Variants in UMODL1 observed in about 807,000 individuals in gnomAD.
UMODL1 encodes the protein uromodulin-like 1.
UMODL1 carries 128 observed loss-of-function variants against 136.3 expected under a neutral mutation model. The ratio of observed to expected loss-of-function variants is 0.94; its 90% confidence interval spans 0.81 to 1.09. The LOEUF (loss-of-function observed/expected upper bound fraction) is 1.09. UMODL1 is among the 50% of genes least tolerant of loss of function. The pLI, the probability that UMODL1 is intolerant of heterozygous loss-of-function variation, is 0.00. For missense variants in UMODL1, 1,766 were observed against 1,725.6 expected, an observed-to-expected ratio of 1.02 and a Z score of -0.41; for synonymous variants, 721 against 720.0, an observed-to-expected ratio of 1.00 and a Z score of -0.02.
In UMODL1 at chr21:42,102,216, G is replaced by A. The variant is rs747286695; in HGVS notation, c.1237G>A (p.Glu413Lys). Residue 413 changes from glutamate to lysine, a missense_variant, in exon 8 of 23, where the codon GAG becomes AAG. Glu to Lys is a moderately conservative substitution (Grantham distance 56, BLOSUM62 1). Coordinates refer to ENST00000408910, the MANE Select transcript of UMODL1 (RefSeq NM_001004416.3). ...TIKIVNHNLT[E>K]KLLNRSSVEY... The stretch of plus-strand genomic sequence containing the variant: ...AAAGATTGTAAACCACAACCTGACG[G>A]AGAAGTTACTCAACCGCAGCAGTGT... 37 of 1,613,742 alleles carry A rather than the reference G, an allele frequency of 2.3e-5. No homozygotes were observed. The highest frequency in any genetic ancestry group is 1.3e-5 in the Non-Finnish European group (15 of 1,179,884).
At chr21:42,132,160 A>G (rs752009671) in intron 21 of UMODL1, among the ~76,000 whole-genome samples, 1 of 151,754 alleles carries the variant, frequency 6.6e-6, no homozygotes, top group Non-Finnish European at 1.5e-5. Context: ...CCATCCATCT[A>G]CCCATTCATT....
At chr21:42,131,427 C>T (rs2067132557) in intron 21 of UMODL1, among the ~76,000 whole-genome samples, 1 of 89,770 alleles carries the variant, frequency 1.1e-5, no homozygotes, top group Non-Finnish European at 2.3e-5. Flanking sequence ...GGCCATGAAG[C>T]TGGGGAACAG....
In UMODL1 at chr21:42,085,003, C is replaced by T. The variant is rs2066408912; in HGVS notation, c.482-288C>T. ...GAGGCTGATAGGCTCTATTTACCTC[C>T]TAAGCAGATCTCTTCAAGGGAAGGC... On this transcript the variant is annotated intron_variant, in intron 3 of 22. Coordinates refer to ENST00000408910, the MANE Select transcript of UMODL1 (RefSeq NM_001004416.3). The surrounding 1 kb of genome is among the most constrained non-coding windows in gnomAD (Gnocchi z 4.5). Among the ~76,000 whole-genome samples, 1 of 151,530 alleles carries T rather than the reference C, an allele frequency of 6.6e-6. No individual in the cohort carries two copies. The highest frequency in any genetic ancestry group is 2.1e-4 in the South Asian group (1 of 4,828).
Position 42,137,518 on chromosome 21 carries a change from G to A in UMODL1, c.3855G>A (p.Ala1285=), listed in dbSNP as rs201585927. 1,957 of 1,614,204 alleles carry A rather than the reference G, an allele frequency of 1.2e-3. 16 individuals are homozygous for A. In the East Asian group the frequency reaches 0.018, roughly 15 times the overall value. ...TGGTGGCCATCTTCGTGCTGGTGGC[G>A]GGAACAGCCACCCTTCTGATCGTGC... ...LIVVAIFVLV[A]GTATLLIVRY... is the part of the protein sequence containing the mutation. Residue 1285 remains alanine, a synonymous_variant, in exon 22 of 23, where the codon GCG becomes GCA. Coordinates refer to ENST00000408910, the MANE Select transcript of UMODL1 (RefSeq NM_001004416.3).
At chr21:42,071,028 G>A (rs535365212), upstream of UMODL1, among the ~76,000 whole-genome samples, 4 of 152,304 alleles carry the variant, frequency 2.6e-5, no homozygotes, top group South Asian at 8.3e-4. Flanking sequence ...CTGGGCTTTT[G>A]GGTACTCACC....
Position 42,083,346 on chromosome 21 carries a change from C to T in UMODL1, c.320-738C>T, listed in dbSNP as rs116630729. Among the ~76,000 whole-genome samples, 1,022 of 152,344 alleles carry T rather than the reference C, an allele frequency of 6.7e-3. 12 individuals carry two copies. Among genetic ancestry groups the T allele is most frequent in the African/African-American group, 0.023 (969 of 41,588 alleles). On this transcript the variant is annotated intron_variant, in intron 2 of 22. Coordinates refer to ENST00000408910, the MANE Select transcript of UMODL1 (RefSeq NM_001004416.3). ...GGGAGCCTTCCTGAAGCTTCTTCTT[C>T]TCTTACACCCCATCCCGTCTGTCAG...
At chr21:42,086,082 C>T (rs528991113) in intron 4 of UMODL1, among the ~76,000 whole-genome samples, 1 of 152,336 alleles carries the variant, frequency 6.6e-6, no homozygotes, top group South Asian at 2.1e-4. Context: ...CCATCAGTCT[C>T]GGGAATCCCA....
At chr21:42,111,316 C>T (rs1308070168) in intron 11 of UMODL1, 190 bp from the exon 12 acceptor site, 2 of 1,463,366 alleles carry the variant, frequency 1.4e-6, no homozygotes, top group East Asian at 2.6e-5. Flanking sequence ...ACGCGAACTC[C>T]AGCCAGGGGA....
chr21:42,127,940 C>T (rs1185356048), intron 20 of UMODL1, 109 bp downstream of exon 20: 3 of 1,432,588 alleles, frequency 2.1e-6, no homozygotes, highest in Non-Finnish European at 9.7e-7. Context: ...CGGGGCCAAC[C>T]TCTGGGAGGA....
At chr21:42,082,925 CCT>C (rs138089866) in intron 2 of UMODL1, among the ~76,000 whole-genome samples, 121,801 of 152,108 alleles carry the variant, frequency 0.8, 49,595 homozygotes, top group Non-Finnish European at 0.88. Context: ...TCTATAAGCC[CCT>C]TTTTCTGGAA....
chr21:42,103,649 A>C (rs1392971506), intron 8 of UMODL1: 1 of 680,850 alleles, frequency 1.5e-6, no homozygotes, highest in South Asian at 1.5e-5. Context: ...GTGAGTCCCC[A>C]GCACACACCA....
At chr21:42,072,897 G>A (rs1253984826) in intron 1 of UMODL1, among the ~76,000 whole-genome samples, 1 of 152,224 alleles carries the variant, frequency 6.6e-6, no homozygotes. Flanking sequence ...TCTGCTAACT[G>A]CTTTCTTCTC....
rs757148504 is a variant in UMODL1 at position 42,127,771 on chromosome 21, C to T, written c.3630C>T (p.Ile1210=). The change falls in exon 20 of 23, where the codon ATC becomes ATT. Residue 1210 remains isoleucine, a synonymous_variant. Coordinates refer to ENST00000408910, the MANE Select transcript of UMODL1 (RefSeq NM_001004416.3). Reference sequence around the variant, plus strand: ...TCTTTTCCTTTATCAACGACTCCATCGTCTACCTGCACTGCAAACTCCGCG... The same window carrying T: ...TCTTTTCCTTTATCAACGACTCCATTGTCTACCTGCACTGCAAACTCCGCG... ...LRIFSFINDS[I]VYLHCKLRVC... is the part of the protein sequence containing the mutation. 1.3e-5 allele frequency: 21 copies of T among 1,614,096 alleles called. No individual in the cohort carries two copies. The highest frequency in any genetic ancestry group is 9.3e-5 in the African/African-American group (7 of 74,932).
At position 42,129,724 on chromosome 21, in the gene UMODL1, C is replaced by A; in HGVS notation, c.3702C>A (p.Asn1234Lys). 2 of 1,579,584 alleles carry A rather than the reference C, an allele frequency of 1.3e-6. No individual in the cohort carries two copies. The highest frequency in any genetic ancestry group is 3.8e-5 in the Admixed American group (2 of 52,112). The change falls in exon 21 of 23, where the codon AAC becomes AAA. Residue 1234 changes from asparagine to lysine, a missense_variant. By Grantham distance (94) the Asn-to-Lys change is moderately conservative. Coordinates refer to ENST00000408910, the MANE Select transcript of UMODL1 (RefSeq NM_001004416.3). ...AAAAAAAAAAACAGAATTGCAATAA[C>A]TTTCGGTTGCTGCAAAATAGTGAAA... ...PGATCKINCN[N>K]FRLLQNSETS... is the part of the protein sequence containing the mutation.
chr21:42,127,345 G>A (rs1342774724), intron 19 of UMODL1, 103 bp downstream of exon 19: 1 of 1,114,590 alleles, frequency 9.0e-7, no homozygotes, highest in Non-Finnish European at 1.3e-6. Flanking sequence ...GCAATGCCCA[G>A]GGCTTCATTA....
chr21:42,107,468 C>T (rs889021934), intron 9 of UMODL1, among the ~76,000 whole-genome samples: 7 of 152,194 alleles, frequency 4.6e-5, no homozygotes, highest in African/African-American at 1.7e-4. Flanking sequence ...GAGAGAAGGG[C>T]CGTGAGTGAG....
chr21:42,108,096 G>A (rs745757794), intron 9 of UMODL1, among the ~76,000 whole-genome samples: 3 of 152,338 alleles, frequency 2.0e-5, no homozygotes, highest in South Asian at 2.1e-4. Flanking sequence ...AGCTGTCAGC[G>A]CCTTCCTCTG....
At chr21:42,118,059 G>A (rs534909673) in intron 14 of UMODL1, among the ~76,000 whole-genome samples, 1 of 152,154 alleles carries the variant, frequency 6.6e-6, no homozygotes, top group Admixed American at 6.5e-5. Context: ...TGGATGTCAG[G>A]AGGTGTTGGC....
Position 42,098,906 on chromosome 21 carries a change from CTCTG to C in UMODL1, c.932-14_932-11del, listed in dbSNP as rs1569153146. On this transcript the variant is annotated splice_polypyrimidine_tract_variant and intron_variant, in intron 6 of 22. Coordinates refer to ENST00000408910, the MANE Select transcript of UMODL1 (RefSeq NM_001004416.3). ...CCCTCACTGACCCTTTGCTCATCTT[CTCTG>C]TCTGTGCTTTCGTAGATTGTCCTCC... 2 of 1,612,422 alleles carry C rather than the reference CTCTG, an allele frequency of 1.2e-6. No individual in the cohort carries two copies. The highest frequency in any genetic ancestry group is 1.7e-6 in the Non-Finnish European group (2 of 1,178,678).
Sources: allele counts gnomAD v4.1 joint callset (sites outside exome capture counted in the v4.1 genomes callset), GRCh38; gene constraint gnomAD v4.1.1; non-coding constraint Gnocchi (gnomAD v3.1); transcripts MANE v1.5; gene names NCBI Gene and HGNC (gene_info 2026-07-23, HGNC 2026-07-21).